The following TEX15 variants were observed in gnomAD, a reference collection of about 807,000 sequenced individuals.
TEX15 encodes the protein testis expressed 15, meiosis and synapsis associated.
Under a neutral mutation model 237.3 loss-of-function variants are expected in TEX15, and 171 were observed. The observed-to-expected ratio is 0.72, with a 90% CI of 0.64 to 0.82. The LOEUF (loss-of-function observed/expected upper bound fraction) is 0.82, where lower values mean the gene tolerates loss of function less well. Ranked by LOEUF, TEX15 falls within the 40% of genes least tolerant of loss-of-function variation. The pLI, the probability that TEX15 is intolerant of heterozygous loss-of-function variation, is 0.00. For missense variants in TEX15, 3,750 were observed against 3,646.5 expected (o/e 1.03, Z -0.73); for synonymous variants, 1,338 against 1,269.8 (o/e 1.05, Z -1.14).
chr8:30,864,198 G>A (rs769870230), intron 5 of TEX15, among the ~76,000 whole-genome samples: 22 of 151,292 alleles, frequency 1.5e-4, no homozygotes, highest in South Asian at 6.2e-4. Flanking sequence ...TTCAAAGGCA[G>A]ATATGAGCAG....
intron 5 of TEX15, among the ~76,000 whole-genome samples, chr8:30,865,130 A>T (rs1808132874): frequency 6.6e-6 from 1 of 152,104 alleles, no homozygotes; most frequent in Non-Finnish European, 1.5e-5. Context: ...AGAAACTAAA[A>T]GGAAACATTA....
At chr8:30,840,758 A>T (rs1807432757) in intron 8 of TEX15, among the ~76,000 whole-genome samples, 1 of 152,202 alleles carries the variant, frequency 6.6e-6, no homozygotes, top group Non-Finnish European at 1.5e-5. Flanking sequence ...AATCATTAGA[A>T]AAACGAATTT....
chr8:30,875,620 A>G (rs1336789225), intron 3 of TEX15, among the ~76,000 whole-genome samples: 1 of 152,220 alleles, frequency 6.6e-6, no homozygotes, highest in African/African-American at 2.4e-5. Flanking sequence ...TAGTAAATAG[A>G]TGCATAAAAG....
At chr8:30,865,343 G>T (rs781572715) in intron 5 of TEX15, among the ~76,000 whole-genome samples, 5 of 152,048 alleles carry the variant, frequency 3.3e-5, no homozygotes, top group Admixed American at 6.6e-5. Flanking sequence ...ACAAAGAAAA[G>T]CCCAGGTCCT....
chr8:30,833,080 G>A lies in TEX15; in HGVS notation c.*206C>T, dbSNP rs957769566. 6 of 440,768 alleles carry A rather than the reference G, an allele frequency of 1.4e-5. No homozygotes were observed. Among genetic ancestry groups the A allele is most frequent in the Admixed American group, 8.3e-5 (2 of 24,222 alleles). The allele number at this position is 440,768 out of a possible 1,614,324, so 27.3% of individuals were successfully genotyped here. On this transcript the variant is annotated 3_prime_UTR_variant, in exon 11 of 11. Transcript: ENST00000643185. ...ATTACCCTCCCCTTATAATTGCATGGAAATAATTCTGGTATATCAGATGTT... is the reference window on the plus strand; with the variant it reads ...ATTACCCTCCCCTTATAATTGCATGAAAATAATTCTGGTATATCAGATGTT...
rs1478688264 is a variant in TEX15, at chr8:30,842,062, C to A, written c.8105G>T (p.Cys2702Phe). 1.9e-6 allele frequency: 3 copies of A among 1,612,218 alleles called. No individual in the cohort carries two copies. The change falls in exon 8 of 11, where the codon TGT becomes TTT. Residue 2702 changes from cysteine to phenylalanine, a missense_variant. Physicochemically the swap from Cys to Phe is radical, Grantham distance 205. Transcript: ENST00000643185. Reference sequence around the variant, plus strand: ...TTGCTGTTGTTCCTGAGAGTCTTCACATTTGTCTACAGTGCTCGGTCGTTT... The same window carrying A: ...TTGCTGTTGTTCCTGAGAGTCTTCAAATTTGTCTACAGTGCTCGGTCGTTT... ...SKKRPSTVDK[C>F]EDSQEQQQDT... is the part of the protein sequence containing the mutation.
At chr8:30,892,496 G>C (rs1162348441) in intron 2 of TEX15, among the ~76,000 whole-genome samples, 1 of 151,930 alleles carries the variant, frequency 6.6e-6, no homozygotes, top group African/African-American at 2.4e-5. Context: ...AATAAATCTT[G>C]TTTAGGTTTT....
intron 3 of TEX15, among the ~76,000 whole-genome samples, chr8:30,877,781 A>T (rs1366210347): frequency 6.6e-6 from 1 of 152,178 alleles, no homozygotes; most frequent in Non-Finnish European, 1.5e-5. Context: ...GGAAAATGAC[A>T]TTGGTACAAG....
chr8:30,882,934 G>C (rs1291278365), intron 3 of TEX15, among the ~76,000 whole-genome samples: 1 of 152,022 alleles, frequency 6.6e-6, no homozygotes, highest in African/African-American at 2.4e-5. Flanking sequence ...ACCATGGCTG[G>C]ATAATTCTTG....
At chr8:30,887,929 T>TATA (rs71206288) in intron 2 of TEX15, among the ~76,000 whole-genome samples, 3 of 126,780 alleles carry the variant, frequency 2.4e-5, no homozygotes, top group Non-Finnish European at 3.4e-5. Context: ...TATATATATA[T>TATA]GAATTTTTGT....
At chr8:30,882,600 T>C (rs565728809) in intron 3 of TEX15, among the ~76,000 whole-genome samples, 1 of 152,270 alleles carries the variant, frequency 6.6e-6, no homozygotes, top group South Asian at 2.1e-4. Context: ...TTCCTTTAAC[T>C]ATGTTGACAT....
rs552280727 is a variant in TEX15 at position 30,900,198 on chromosome 8, A to T, written c.-85-1381T>A. Among the ~76,000 whole-genome samples, 19 of 152,362 alleles carry T rather than the reference A, an allele frequency of 1.2e-4. No homozygotes were observed. In the East Asian group the frequency reaches 2.5e-3, roughly 20 times the overall value. On this transcript the variant is annotated intron_variant, in intron 1 of 10. Transcript: ENST00000643185. Reference sequence around the variant, plus strand: ...TGACTTACTAGTTCGTGTATATTTTACTCAAGTGCTTTAATTGTCATTGTC... The same window carrying T: ...TGACTTACTAGTTCGTGTATATTTTTCTCAAGTGCTTTAATTGTCATTGTC...
chr8:30,897,076 C>A (rs573299924), intron 2 of TEX15, among the ~76,000 whole-genome samples: 1 of 152,116 alleles, frequency 6.6e-6, no homozygotes, highest in East Asian at 1.9e-4. Flanking sequence ...ATTGTCTTTA[C>A]AAAATCGGGT....
At chr8:30,857,996 T>C (rs1268986109) in intron 7 of TEX15, among the ~76,000 whole-genome samples, 2 of 152,182 alleles carry the variant, frequency 1.3e-5, no homozygotes, top group East Asian at 1.9e-4. Flanking sequence ...AAATACATAT[T>C]CTATGGAAAA....
Position 30,847,542 on chromosome 8 carries a change from T to C in TEX15, c.2625A>G (p.Val875=). 1.2e-6 allele frequency: 2 copies of C among 1,613,222 alleles called. No homozygotes were observed. Among genetic ancestry groups the C allele is most frequent in the South Asian group, 2.2e-5 (2 of 90,960 alleles). The change falls in exon 8 of 11, where the codon GTA becomes GTG. Residue 875 remains valine, a synonymous_variant. Transcript: ENST00000643185. Reference sequence around the variant, plus strand: ...CATATATGTTCTCTATGTTGTTTTCTACACATGAAGCACTATTCTCTTTAG... The same window carrying C: ...CATATATGTTCTCTATGTTGTTTTCCACACATGAAGCACTATTCTCTTTAG... ...NEAKENSASC[V]ENNIENIYGD...
rs758509910 is a variant in TEX15 at position 30,847,091 on chromosome 8, C to T, written c.3076G>A (p.Val1026Ile). ...TCCGTATCAATTTCACAATCAGAAA[C>T]CCTATGTTTTACTAACAAACCAAAA... ...PDFGLLVKHR[V>I]SDCEIDTDKN... The change falls in exon 8 of 11, where the codon GTT (valine) becomes ATT (isoleucine). Residue 1026 changes from valine to isoleucine, a missense_variant. Transcript: ENST00000643185. 3.5e-5 allele frequency: 57 copies of T among 1,613,416 alleles called. No homozygotes were observed. The South Asian group carries it at 5.5e-4, about 16-fold the overall frequency.
rs1205011950 is a variant in TEX15, at chr8:30,832,107, A to G, written c.*1179T>C. 1 of 152,250 alleles carries G rather than the reference A, an allele frequency of 6.6e-6. No individual in the cohort carries two copies. The allele number at this position is 152,250 out of a possible 1,614,324, so 9.4% of individuals were successfully genotyped here. A position where few individuals can be genotyped will look rare whatever the true frequency, so the allele number is the denominator to read the frequency against. On this transcript the variant is annotated 3_prime_UTR_variant, in exon 11 of 11. Transcript: ENST00000643185. ...CATCCCAGTTGGTTTAAGTGAGTAT[A>G]AAGAGGCTTATCCTGGGGATTCTCA...
intron 2 of TEX15, among the ~76,000 whole-genome samples, chr8:30,888,446 G>C (rs1041025186): frequency 6.6e-6 from 1 of 151,908 alleles, no homozygotes; most frequent in Admixed American, 6.6e-5. Flanking sequence ...TGCTATACCA[G>C]AAGTATCAAA....
intron 7 of TEX15, among the ~76,000 whole-genome samples, chr8:30,850,937 C>T (rs1186622340): frequency 1.3e-5 from 2 of 151,862 alleles, no homozygotes; most frequent in African/African-American, 4.8e-5. Flanking sequence ...CAGTAAGATC[C>T]ATTAAAAAAA....
Sources: allele counts gnomAD v4.1 joint callset (sites outside exome capture counted in the v4.1 genomes callset), GRCh38; gene constraint gnomAD v4.1.1; transcripts MANE v1.5; gene names NCBI Gene and HGNC (gene_info 2026-07-23, HGNC 2026-07-21).